Variants in PRKCD observed in about 807,000 individuals in gnomAD.
PRKCD encodes protein kinase C delta, also known as protein kinase C delta type.
In PRKCD, 20 loss-of-function variants were observed where a neutral mutation model predicts 82.2. The ratio of observed to expected loss-of-function variants is 0.24; its 90% CI spans 0.17 to 0.35. PRKCD has a LOEUF of 0.35. Ranked by LOEUF, PRKCD falls within the 10% of genes least tolerant of loss-of-function variation. PRKCD has a pLI of 1.00. For synonymous variants in PRKCD, 317 were observed against 337.0 expected (o/e 0.94, Z 0.65); for missense variants, 607 against 899.0 (o/e 0.68, Z 4.15).
chr3:53,178,514 A>C lies in PRKCD; in HGVS notation c.92A>C (p.Lys31Thr). ...GCGAACCAGCCCTTCTGTGCCGTGAAGATGAAGGAGGCGCTCAGCACAGGT... is the reference window on the plus strand; with the variant it reads ...GCGAACCAGCCCTTCTGTGCCGTGACGATGAAGGAGGCGCTCAGCACAGGT... Reference protein sequence around the residue: ...DEANQPFCAVKMKEALSTERG... With the variant: ...DEANQPFCAVTMKEALSTERG... The change falls in exon 3 of 19, where the codon AAG (lysine) becomes ACG (threonine). Residue 31 changes from lysine to threonine, a missense_variant. Around this residue, in one of 5 missense-constraint regions of PRKCD, gnomAD observed 161 missense variants for 227.0 expected, o/e 0.71. Transcript: ENST00000330452. 6.2e-7 allele frequency: 1 copy of C among 1,613,182 alleles called. No individual in the cohort carries two copies. Among genetic ancestry groups the C allele is most frequent in the African/African-American group, 1.3e-5 (1 of 75,056 alleles).
Position 53,163,303 on chromosome 3 carries a change from G to T in PRKCD, c.-131-1801G>T, listed in dbSNP as rs540210732. Among the ~76,000 whole-genome samples the T allele has an allele frequency of 2.6e-4, 40 of 152,048 alleles. No homozygotes were observed. The South Asian group carries it at 8.1e-3, about 31-fold the overall frequency. On this transcript the variant is annotated intron_variant, in intron 1 of 18. Coordinates refer to ENST00000330452, the MANE Select transcript of PRKCD (RefSeq NM_006254.4). The stretch of plus-strand genomic sequence containing the variant: ...GGGAACCGAGAGTGCCTGGGCGTGG[G>T]TGTTAGCGGCAGGAGGGGGTGTGAC...
rs201210965 is a variant in PRKCD at position 53,188,870 on chromosome 3, C to G, written c.1554+12C>G. 6.2e-7 allele frequency: 1 copy of G among 1,613,588 alleles called. No individual in the cohort carries two copies. Among genetic ancestry groups the G allele is most frequent in the East Asian group, 2.2e-5 (1 of 44,866 alleles). Reference sequence around the variant, plus strand: ...ATATCGCCCCTGAGGTGAGCCGATACCCTTCCAGCCCCCCGCTCAGTCAGG... The same window carrying G: ...ATATCGCCCCTGAGGTGAGCCGATAGCCTTCCAGCCCCCCGCTCAGTCAGG... On this transcript the variant is annotated intron_variant, in intron 16 of 18. Coordinates refer to ENST00000330452, the MANE Select transcript of PRKCD (RefSeq NM_006254.4).
At position 53,188,824 on chromosome 3, in the gene PRKCD, C is replaced by A; in HGVS notation, c.1520C>A (p.Thr507Asn). The A allele has an allele frequency of 6.2e-7, 1 of 1,614,194 alleles. No homozygotes were observed. Among genetic ancestry groups the A allele is most frequent in the Non-Finnish European group, 8.5e-7 (1 of 1,180,046 alleles). ...ENIFGESRASTFCGTPDYIAP... is the reference protein window; with the variant it reads ...ENIFGESRASNFCGTPDYIAP... The stretch of plus-strand genomic sequence containing the variant: ...ATATTCGGGGAGAGCCGGGCCAGCA[C>A]CTTCTGCGGCACCCCTGACTATATC... Residue 507 changes from threonine to asparagine, a missense_variant, in exon 16 of 19, where the codon ACC (threonine) becomes AAC (asparagine). Transcript: ENST00000330452.
chr3:53,166,253 A>G (rs1368815807), intron 2 of PRKCD, among the ~76,000 whole-genome samples: 2 of 152,142 alleles, frequency 1.3e-5, no homozygotes, highest in African/African-American at 2.4e-5. Flanking sequence ...CCTTCTGTGT[A>G]TTGGACCTGT....
chr3:53,190,833 G>T (rs1703899988), intron 18 of PRKCD, among the ~76,000 whole-genome samples: 1 of 152,180 alleles, frequency 6.6e-6, no homozygotes, highest in African/African-American at 2.4e-5. Flanking sequence ...CTACACCAGG[G>T]ACCTCAAACT....
At chr3:53,177,898 G>A (rs1046393926) in intron 2 of PRKCD, among the ~76,000 whole-genome samples, 2 of 151,596 alleles carry the variant, frequency 1.3e-5, no homozygotes, top group Non-Finnish European at 2.9e-5. Flanking sequence ...CAGAGACGCC[G>A]CAAATCCAGA....
chr3:53,183,063 T>A (rs888674973), intron 7 of PRKCD, 58 bp from the exon 8 acceptor site: 59 of 1,572,284 alleles, frequency 3.8e-5, no homozygotes, highest in Non-Finnish European at 5.0e-5. Context: ...CACCAGCTCA[T>A]AGACTCTGCC....
intron 2 of PRKCD, among the ~76,000 whole-genome samples, chr3:53,168,815 A>G (rs1702918252): frequency 1.6e-5 from 1 of 63,142 alleles, no homozygotes; most frequent in Non-Finnish European, 3.0e-5. Context: ...CCGAGAGGTC[A>G]GGGAGGTAAC....
chr3:53,179,799 C>CGTGTG (rs1553666940), intron 4 of PRKCD, 23 bp downstream of exon 4: 1 of 1,409,564 alleles, frequency 7.1e-7, no homozygotes, highest in African/African-American at 1.4e-5. Context: ...CGAGCCGTGC[C>CGTGTG]GTGTGTGTGT....
rs372673092 is a variant in PRKCD, at chr3:53,186,673, C to T, written c.1330C>T (p.Arg444Cys). 1.9e-5 allele frequency: 31 copies of T among 1,613,834 alleles called. No individual in the cohort carries two copies. The highest frequency in any genetic ancestry group is 1.7e-5 in the Admixed American group (1 of 59,996). ...GATGTACCACATCCAGGACAAAGGC[C>T]GCTTTGAACTCTACCGTGCCACGTA... The part of the protein sequence containing the change: ...DLMYHIQDKG[R>C]FELYRATFYA... Residue 444 changes from arginine (R) to cysteine (C), a missense_variant, in exon 14 of 19, where the codon CGC becomes TGC. Arg to Cys is a radical substitution (Grantham distance 180, BLOSUM62 -3). Coordinates refer to ENST00000330452, the MANE Select transcript of PRKCD (RefSeq NM_006254.4).
Position 53,162,695 on chromosome 3 carries a change from CGTGT to C in PRKCD, c.-132+1290_-132+1293del, listed in dbSNP as rs34874901. Among the ~76,000 whole-genome samples, 611 of 147,328 alleles carry C rather than the reference CGTGT, an allele frequency of 4.1e-3. 2 individuals carry two copies. Among genetic ancestry groups the C allele is most frequent in the African/African-American group, 9.6e-3 (386 of 40,184 alleles). On this transcript the variant is annotated intron_variant, in intron 1 of 18. Transcript: ENST00000330452. The stretch of plus-strand genomic sequence containing the variant: ...TTGGTGTGTTTGTTGTCACCAGACT[CGTGT>C]GTGTGTGTGTGTGTGTGTGTGTCCT...
At chr3:53,171,984 G>T (rs1242284902) in intron 2 of PRKCD, among the ~76,000 whole-genome samples, 1 of 152,050 alleles carries the variant, frequency 6.6e-6, no homozygotes, top group Non-Finnish European at 1.5e-5. Context: ...GAGGCCACAG[G>T]TACTGGTTGG....
At chr3:53,180,677 C>T (rs953294736) in intron 4 of PRKCD, among the ~76,000 whole-genome samples, 10 of 152,134 alleles carry the variant, frequency 6.6e-5, no homozygotes, top group South Asian at 2.1e-4. Flanking sequence ...GTGCTGTCTC[C>T]GCTCCCCCAA....
chr3:53,186,425 C>A, intron 13 of PRKCD, 85 bp downstream of exon 13: 1 of 1,538,078 alleles, frequency 6.5e-7, no homozygotes, highest in East Asian at 2.3e-5. Flanking sequence ...GCTGTGTCTC[C>A]CCTTCAGGCC....
chr3:53,176,941 G>A (rs1263282167), intron 2 of PRKCD, among the ~76,000 whole-genome samples: 1 of 152,032 alleles, frequency 6.6e-6, no homozygotes, highest in Non-Finnish European at 1.5e-5. Flanking sequence ...CCATTCTTCT[G>A]CCCTCAGCCT....
chr3:53,183,899 C>T (rs1703566497), intron 9 of PRKCD, among the ~76,000 whole-genome samples: 1 of 152,254 alleles, frequency 6.6e-6, no homozygotes, highest in African/African-American at 2.4e-5. Flanking sequence ...GACAGGCGCC[C>T]AGACAGGCCT....
chr3:53,174,710 G>A (rs1553665563), intron 2 of PRKCD, among the ~76,000 whole-genome samples: 1 of 152,162 alleles, frequency 6.6e-6, no homozygotes, highest in African/African-American at 2.4e-5. Context: ...AGAGTTGGTG[G>A]CAGAACCTGG....
chr3:53,183,162 A>G lies in PRKCD; in HGVS notation c.613A>G (p.Ile205Val). Residue 205 changes from isoleucine to valine, a missense_variant, in exon 8 of 19, where the codon ATC becomes GTC. Around this residue, in one of 5 missense-constraint regions of PRKCD, gnomAD observed 109 missense variants for 155.6 expected, o/e 0.70. Transcript: ENST00000330452. Reference protein sequence around the residue: ...AIHKKCIDKIIGRCTGTAANS... With the variant: ...AIHKKCIDKIVGRCTGTAANS... ...CCACAAGAAATGCATCGACAAGATC[A>G]TCGGCAGATGCACTGGCACCGCGGC... The G allele has an allele frequency of 2.5e-6, 4 of 1,614,232 alleles. No homozygotes were observed. The highest frequency in any genetic ancestry group is 3.4e-6 in the Non-Finnish European group (4 of 1,180,032).
intron 15 of PRKCD, among the ~76,000 whole-genome samples, chr3:53,187,783 G>T (rs1575543492): frequency 6.6e-6 from 1 of 152,308 alleles, no homozygotes; most frequent in South Asian, 2.1e-4. Flanking sequence ...CACCAAAAAG[G>T]CTGAGGTCAG....
Sources: allele counts gnomAD v4.1 joint callset (sites outside exome capture counted in the v4.1 genomes callset), GRCh38; gene constraint gnomAD v4.1.1; regional missense constraint gnomAD v4.1.1; transcripts MANE v1.5; gene names NCBI Gene and HGNC (gene_info 2026-07-23, HGNC 2026-07-21).